THAP8: variants seen among roughly 807,000 people sequenced by gnomAD.
THAP8 encodes the protein THAP domain-containing protein 8.
Under a neutral mutation model 25.0 loss-of-function variants are expected in THAP8, and 24 were observed. The observed-to-expected ratio is 0.96, with a 90% CI of 0.69 to 1.35. The LOEUF is 1.35. THAP8 is among the 40% of genes most tolerant of loss of function. THAP8 has a pLI of 0.00. For synonymous variants in THAP8, 169 were observed against 157.6 expected (o/e 1.07, Z -0.54); for missense variants, 399 against 368.8 (o/e 1.08, Z -0.67).
At chr19:36,054,306 C>T, upstream of THAP8, 2 of 1,457,264 alleles carry the variant, frequency 1.4e-6, no homozygotes, top group Non-Finnish European at 9.3e-7. Context: ...CACCCGCGCT[C>T]GCCGCCTGCC....
chr19:36,047,594 G>A (rs1288124811), intron 1 of THAP8, among the ~76,000 whole-genome samples: 1 of 152,152 alleles, frequency 6.6e-6, no homozygotes, highest in African/African-American at 2.4e-5. Flanking sequence ...GGCCAAGGTG[G>A]GAGGATCATT....
At chr19:36,041,597 C>A (rs768056283) in intron 1 of THAP8, among the ~76,000 whole-genome samples, 6 of 152,114 alleles carry the variant, frequency 3.9e-5, no homozygotes, top group Non-Finnish European at 7.4e-5. Context: ...AACAACTCAA[C>A]AACAATAAAA....
At chr19:36,054,528 C>G (rs897655992), upstream of THAP8, 3 of 563,096 alleles carry the variant, frequency 5.3e-6, no homozygotes, top group Non-Finnish European at 9.6e-6. Context: ...GTTTCTGAGC[C>G]TGCGCCAACC....
At position 36,039,804 on chromosome 19, in the gene THAP8, G is replaced by T. The variant is rs1035596207; in HGVS notation, c.277-86C>A. ...GGATGGAGGGTCTGTTTCCAAGGGG[G>T]ACTTGCCTAGGTAAGGCCAGACCTC... On this transcript the variant is annotated intron_variant, in intron 2 of 3. Coordinates refer to ENST00000292894, the MANE Select transcript of THAP8 (RefSeq NM_152658.3). 9 of 1,508,852 alleles carry T rather than the reference G, an allele frequency of 6.0e-6. No individual in the cohort carries two copies. The African/African-American group carries it at 1.3e-4, about 21-fold the overall frequency. The allele number at this position is 1,508,852 out of a possible 1,614,324, so 93.5% of individuals were successfully genotyped here.
intron 1 of THAP8, among the ~76,000 whole-genome samples, chr19:36,052,731 G>A (rs576681137): frequency 2.4e-4 from 37 of 152,140 alleles, no homozygotes; most frequent in Non-Finnish European, 3.8e-4. Flanking sequence ...TTGTAAATAG[G>A]GACTGCTTTT....
chr19:36,041,050 G>A (rs1969675846), intron 1 of THAP8, among the ~76,000 whole-genome samples: 1 of 151,774 alleles, frequency 6.6e-6, no homozygotes, highest in Admixed American at 6.6e-5. Context: ...GTTCATGCCT[G>A]TAATCCTAGC....
Position 36,035,427 on chromosome 19 carries a change from T to A in THAP8, c.*13A>T, listed in dbSNP as rs766843556. The A allele has an allele frequency of 1.2e-5, 19 of 1,605,340 alleles. No homozygotes were observed. Among genetic ancestry groups the A allele is most frequent in the Non-Finnish European group, 1.4e-5 (17 of 1,174,010 alleles). On this transcript the variant is annotated 3_prime_UTR_variant, in exon 4 of 4. Transcript: ENST00000292894. The stretch of plus-strand genomic sequence containing the variant: ...TTCTATCTTTTGTCCCTCGACATTG[T>A]CTGTCTTGATCCTTATGCACTGGGG...
At chr19:36,044,160 T>C (rs904169933) in intron 1 of THAP8, among the ~76,000 whole-genome samples, 10 of 152,184 alleles carry the variant, frequency 6.6e-5, no homozygotes, top group African/African-American at 2.4e-4. Context: ...AGTTTGTCCT[T>C]AGCAGCTGCC....
intron 1 of THAP8, among the ~76,000 whole-genome samples, chr19:36,041,446 A>G (rs958563655): frequency 6.6e-6 from 1 of 152,208 alleles, no homozygotes; most frequent in East Asian, 1.9e-4. Context: ...TTTACTTTAA[A>G]ATAGTGCAGG....
chr19:36,037,010 C>T (rs1233229267), intron 3 of THAP8, among the ~76,000 whole-genome samples: 1 of 151,820 alleles, frequency 6.6e-6, no homozygotes, highest in Admixed American at 6.6e-5. Context: ...TTCCTGAGCC[C>T]CTTCAGTGAG....
chr19:36,048,427 GC>G (rs1302238201), intron 1 of THAP8, among the ~76,000 whole-genome samples: 4 of 151,222 alleles, frequency 2.6e-5, no homozygotes, highest in African/African-American at 9.7e-5. Flanking sequence ...GTGCAGTGGC[GC>G]GATCTTGGCT....
intron 1 of THAP8, among the ~76,000 whole-genome samples, chr19:36,043,062 G>A (rs1348707633): frequency 6.6e-6 from 1 of 152,198 alleles, no homozygotes; most frequent in Non-Finnish European, 1.5e-5. Flanking sequence ...CCAAGTAGCT[G>A]GGATTACAGG....
intron 1 of THAP8, among the ~76,000 whole-genome samples, chr19:36,048,746 G>A (rs1444126206): frequency 2.7e-5 from 4 of 150,800 alleles, no homozygotes; most frequent in African/African-American, 9.8e-5. Context: ...TACTCAGGAG[G>A]TTGAGGCGGG....
intron 1 of THAP8, among the ~76,000 whole-genome samples, chr19:36,047,599 A>G (rs973656552): frequency 6.6e-6 from 1 of 152,148 alleles, no homozygotes; most frequent in Non-Finnish European, 1.5e-5. Context: ...AGGTGGGAGG[A>G]TCATTTAAGG....
At chr19:36,042,687 G>A (rs1415163756) in intron 1 of THAP8, among the ~76,000 whole-genome samples, 1 of 152,244 alleles carries the variant, frequency 6.6e-6, no homozygotes, top group Non-Finnish European at 1.5e-5. Flanking sequence ...CAGCCAAAAG[G>A]TGGAAGTGTC....
intron 1 of THAP8, 113 bp from the exon 2 acceptor site, chr19:36,040,249 A>G: frequency 2.7e-6 from 3 of 1,121,986 alleles, no homozygotes; most frequent in Non-Finnish European, 3.7e-6. Flanking sequence ...CCCTAGGGCT[A>G]GGAAGTAGAC....
At chr19:36,049,455 T>C (rs10426582) in intron 1 of THAP8, among the ~76,000 whole-genome samples, 72,347 of 151,870 alleles carry the variant, frequency 0.48, 18,065 homozygotes, top group African/African-American at 0.62. Flanking sequence ...CTTCCCTCAA[T>C]GTGTCTCATC....
At chr19:36,054,314 G>T (rs1176172792), upstream of THAP8, 1 of 1,420,430 alleles carries the variant, frequency 7.0e-7, no homozygotes, top group Non-Finnish European at 9.6e-7. Context: ...CTCGCCGCCT[G>T]CCTCACGTGA....
intron 1 of THAP8, among the ~76,000 whole-genome samples, chr19:36,047,017 T>C (rs763969234): frequency 2.0e-5 from 3 of 152,180 alleles, no homozygotes; most frequent in Non-Finnish European, 4.4e-5. Flanking sequence ...GGTCTTACTC[T>C]CTCTTGTTCC....
Sources: gnomAD v4.1 joint callset for allele counts (sites outside exome capture counted in the v4.1 genomes callset) on GRCh38, gnomAD v4.1.1 for gene constraint, MANE v1.5 for transcripts, NCBI Gene and HGNC (gene_info 2026-07-23, HGNC 2026-07-21) for gene names.